The following CAPN13 variants were observed in gnomAD, a reference collection of about 807,000 sequenced individuals.
CAPN13 encodes the protein calpain-13.
Under a neutral mutation model 98.4 loss-of-function variants are expected in CAPN13, and 90 were observed. That is an observed-to-expected ratio of 0.92 (90% CI 0.77 to 1.09). CAPN13 has a LOEUF of 1.09. Among genes scored for constraint, CAPN13 ranks in the 50% least tolerant of loss-of-function variants. The probability of loss-of-function intolerance (pLI) is 0.00; values close to 1 mark genes in which losing one functional copy is unlikely to be tolerated. For synonymous variants in CAPN13, 330 were observed against 305.5 expected (o/e 1.08, Z -0.84); for missense variants, 887 against 841.3 (o/e 1.05, Z -0.67).
chr2:30,764,457 G>A (rs1248209652), intron 5 of CAPN13, among the ~76,000 whole-genome samples, 151 bp from the exon 6 acceptor site: 5 of 152,130 alleles, frequency 3.3e-5, no homozygotes, highest in Non-Finnish European at 7.4e-5. Flanking sequence ...TTGCCTGGAT[G>A]GAGATTCTAG....
chr2:30,740,978 G>A (rs1330046521), intron 15 of CAPN13, among the ~76,000 whole-genome samples: 1 of 152,194 alleles, frequency 6.6e-6, no homozygotes, highest in African/African-American at 2.4e-5. Context: ...ACAGTGATCA[G>A]TGTTGGGGAC....
At position 30,787,303 on chromosome 2, in the gene CAPN13, G is replaced by A. The variant is rs768091357; in HGVS notation, c.23C>T (p.Ser8Leu). 1.3e-5 allele frequency: 21 copies of A among 1,612,882 alleles called. No homozygotes were observed. The highest frequency in any genetic ancestry group is 3.3e-4 in the Middle Eastern group (2 of 6,082). The change falls in exon 2 of 23, where the codon TCA becomes TTA. Residue 8 changes from serine to leucine, a missense_variant. By Grantham distance (145) the Ser-to-Leu change is moderately radical (BLOSUM62 -2). Transcript: ENST00000295055. MAYYQEPSVETSIIKFKD... is the reference protein window; with the variant it reads MAYYQEPLVETSIIKFKD... ...GAACTTGATGATGGAGGTCTCCACT[G>A]AAGGCTCCTGGTAATACGCCATGAC...
intron 22 of CAPN13, among the ~76,000 whole-genome samples, 193 bp from the exon 23 acceptor site, chr2:30,723,429 G>C (rs1033554433): frequency 6.6e-6 from 1 of 152,110 alleles, no homozygotes; most frequent in Non-Finnish European, 1.5e-5. Flanking sequence ...CTTAATGGAT[G>C]ACCCTACCCC....
intron 22 of CAPN13, chr2:30,729,503 A>G (rs937857473): frequency 6.6e-6 from 1 of 152,264 alleles, no homozygotes; most frequent in Non-Finnish European, 1.5e-5. Context: ...TAGCTTAAAT[A>G]TACAATTGAA....
rs182355425 is a variant in CAPN13, at chr2:30,797,783, C to T, written c.-33+9519G>A. On this transcript the variant is annotated intron_variant, in intron 1 of 22. Coordinates refer to ENST00000295055, the MANE Select transcript of CAPN13 (RefSeq NM_144575.3). ...GCGTTGAGACTGTCATCTCCTCTAC[C>T]TGCCTGGCAGAAATACTGGGTGCAC... Among the ~76,000 whole-genome samples the T allele has an allele frequency of 9.4e-4, 143 of 152,326 alleles. 1 individual carries two copies. The highest frequency in any genetic ancestry group is 3.4e-3 in the African/African-American group (141 of 41,580).
chr2:30,744,126 C>T (rs1311740155), intron 12 of CAPN13, among the ~76,000 whole-genome samples: 1 of 152,168 alleles, frequency 6.6e-6, no homozygotes, highest in Admixed American at 6.5e-5. Flanking sequence ...AAATATAATG[C>T]AGTTCCTATT....
At chr2:30,745,402 C>A in intron 12 of CAPN13, 1 of 531,990 alleles carries the variant, frequency 1.9e-6, no homozygotes, top group African/African-American at 1.9e-5. Flanking sequence ...CCAAGGTACC[C>A]CTTAGTGCTG....
rs1415418345 is a variant in CAPN13, at chr2:30,738,170, T to A, written c.1653+65A>T. 1.1e-5 allele frequency: 17 copies of A among 1,559,710 alleles called. No homozygotes were observed. In the East Asian group the frequency reaches 3.6e-4, roughly 33 times the overall value. ...AGGGTTCCCTACTGTCCTAATTAGG[T>A]CTCTGGGGAAGCCCACAGAGCTGAG... On this transcript the variant is annotated intron_variant, in intron 17 of 22. Coordinates refer to ENST00000295055, the MANE Select transcript of CAPN13 (RefSeq NM_144575.3).
chr2:30,782,873 A>C (rs1248170493), intron 2 of CAPN13, among the ~76,000 whole-genome samples: 1 of 152,240 alleles, frequency 6.6e-6, no homozygotes, highest in Non-Finnish European at 1.5e-5. Context: ...GCCACAAGCC[A>C]TATGTGGATA....
intron 1 of CAPN13, among the ~76,000 whole-genome samples, chr2:30,798,709 G>A (rs942556953): frequency 1.3e-5 from 2 of 152,204 alleles, no homozygotes; most frequent in African/African-American, 4.8e-5. Context: ...AGCAGAACAC[G>A]ACAGGGGACG....
chr2:30,749,644 G>A (rs1672076927), intron 11 of CAPN13, among the ~76,000 whole-genome samples: 1 of 152,232 alleles, frequency 6.6e-6, no homozygotes, highest in African/African-American at 2.4e-5. Flanking sequence ...TTTGACTGAA[G>A]GTTTGGGGGA....
At chr2:30,757,959 C>A in intron 8 of CAPN13, 87 bp downstream of exon 8, 1 of 983,312 alleles carries the variant, frequency 1.0e-6, no homozygotes, top group Non-Finnish European at 1.5e-6. Context: ...TGCGCAGTGG[C>A]TAGATAGCCC....
chr2:30,764,256 A>AG lies in CAPN13; in HGVS notation c.574dup (p.Leu192ProfsTer66). ...GATCACGCCTCCTGTGAGGTCCACCAGGGCATCCTCGAGGAAGCCATAGTG... is the reference window on the plus strand; with the variant it reads ...GATCACGCCTCCTGTGAGGTCCACCAGGGGCATCCTCGAGGAAGCCATAGTG... On this transcript the variant is annotated frameshift_variant, in exon 6 of 23. Transcript: ENST00000295055. LOFTEE classifies it high-confidence loss of function. 2 of 1,613,826 alleles carry AG rather than the reference A, an allele frequency of 1.2e-6. No individual in the cohort carries two copies. The highest frequency in any genetic ancestry group is 1.7e-6 in the Non-Finnish European group (2 of 1,179,844).
chr2:30,738,228 A>G lies in CAPN13; in HGVS notation c.1653+7T>C. The G allele has an allele frequency of 6.2e-7, 1 of 1,613,918 alleles. No individual in the cohort carries two copies. Among genetic ancestry groups the G allele is most frequent in the Non-Finnish European group, 8.5e-7 (1 of 1,179,870 alleles). ...CAGAGCATGGGAGGGATGACCGCAA[A>G]GGATACTTCCATCAGAGCCACCAAG... is the stretch of plus-strand genomic sequence containing the variant. On this transcript the variant is annotated splice_region_variant and intron_variant, in intron 17 of 22. Transcript: ENST00000295055.
chr2:30,798,372 G>C (rs1326677877), intron 1 of CAPN13, among the ~76,000 whole-genome samples: 3 of 152,124 alleles, frequency 2.0e-5, no homozygotes, highest in Non-Finnish European at 4.4e-5. Context: ...GAGAGCCTTT[G>C]GATTGGGCAG....
chr2:30,753,132 G>A lies in CAPN13; in HGVS notation c.1008C>T (p.Thr336=). Residue 336 remains threonine, a synonymous_variant, in exon 10 of 23, where the codon ACC becomes ACT. Transcript: ENST00000295055. The part of the protein sequence containing the change: ...AMFICSEIPI[T]LDHGNTLHEG... ...CGTGGAGTGTGTTTCCATGGTCCAG[G>A]GTAATTGGAATTTCGCTACATATAA... The A allele has an allele frequency of 6.2e-7, 1 of 1,613,968 alleles. No homozygotes were observed. Among genetic ancestry groups the A allele is most frequent in the South Asian group, 1.1e-5 (1 of 91,076 alleles).
At chr2:30,767,331 T>A (rs941299125) in intron 5 of CAPN13, among the ~76,000 whole-genome samples, 1 of 152,214 alleles carries the variant, frequency 6.6e-6, no homozygotes, top group African/African-American at 2.4e-5. Context: ...CTTTAATAGT[T>A]TGAGACATTG....
chr2:30,804,306 T>A (rs1205112684), intron 1 of CAPN13, among the ~76,000 whole-genome samples: 1 of 152,164 alleles, frequency 6.6e-6, no homozygotes, highest in African/African-American at 2.4e-5. Flanking sequence ...CTTCATGCAA[T>A]TCCCCTGCCT....
intron 1 of CAPN13, among the ~76,000 whole-genome samples, chr2:30,799,165 G>A (rs905520557): frequency 3.3e-5 from 5 of 151,964 alleles, no homozygotes; most frequent in Non-Finnish European, 7.4e-5. Flanking sequence ...AAGACAGAGA[G>A]GGGGAAAAGG....
Sources: allele counts gnomAD v4.1 joint callset (sites outside exome capture counted in the v4.1 genomes callset), GRCh38; gene constraint gnomAD v4.1.1; transcripts MANE v1.5; gene names NCBI Gene and HGNC (gene_info 2026-07-23, HGNC 2026-07-21).